The following KIF12 variants were observed in gnomAD, a reference collection of about 807,000 sequenced individuals.
KIF12 encodes the protein kinesin family member 12, also known as kinesin-like protein KIF12.
In KIF12, 80 loss-of-function variants were observed where a neutral mutation model predicts 87.9. The ratio of observed to expected loss-of-function variants is 0.91; its 90% CI spans 0.76 to 1.10. The LOEUF (loss-of-function observed/expected upper bound fraction) is 1.10, where lower values mean the gene tolerates loss of function less well. Among genes scored for constraint, KIF12 ranks in the 50% least tolerant of loss-of-function variants. The pLI is 0.00. For missense variants in KIF12, 819 were observed against 865.3 expected (o/e 0.95, Z 0.67); for synonymous variants, 353 against 348.5 (o/e 1.01, Z -0.14).
rs1159849217 is a variant in KIF12 at position 114,095,220 on chromosome 9, G to T, written c.1008C>A (p.Thr336=). 6.2e-7 allele frequency: 1 copy of T among 1,613,692 alleles called. No individual in the cohort carries two copies. Residue 336 remains threonine (T), a synonymous_variant, in exon 10 of 19, where the codon ACC becomes ACA. Transcript: ENST00000640217. ...CCAGGCCCCGCTTAAGTACCATGAG[G>T]GTGACCCCGCGCCCTCCCAGTGAGT... ...LADSLGGRGV[T]LMVACVSPSA... is the part of the protein sequence containing the mutation.
At position 114,098,257 on chromosome 9, in the gene KIF12, G is replaced by A. The variant is rs778278426; in HGVS notation, c.299+45C>T. The A allele has an allele frequency of 1.3e-5, 19 of 1,508,308 alleles. No homozygotes were observed. The East Asian group carries it at 2.4e-4, about 19-fold the overall frequency. The allele number at this position is 1,508,308 out of a possible 1,614,324, so 93.4% of individuals were successfully genotyped here. A position where few individuals can be genotyped will look rare whatever the true frequency, so the allele number is the denominator to read the frequency against. On this transcript the variant is annotated intron_variant, in intron 4 of 18. Transcript: ENST00000640217. Reference sequence around the variant, plus strand: ...GGGGTGGGGGCTGGGGGTGCTTCGGGGCCCCGCCAGGCCCGGCGCGGAGCG... The same window carrying A: ...GGGGTGGGGGCTGGGGGTGCTTCGGAGCCCCGCCAGGCCCGGCGCGGAGCG...
chr9:114,091,803 AAG>A lies in KIF12; in HGVS notation c.*56_*57del, dbSNP rs1204501815. The A allele has an allele frequency of 4.6e-6, 7 of 1,508,636 alleles. No homozygotes were observed. The Admixed American group carries it at 6.3e-5, about 13-fold the overall frequency. The allele number at this position is 1,508,636 out of a possible 1,614,324, so 93.5% of individuals were successfully genotyped here. Reference sequence around the variant, plus strand: ...TCAGCAGATGGGCAGACTGAAGCCCAAGAGTGTGGAGCCCAGTCTGAGGTCAC... The same window carrying A: ...TCAGCAGATGGGCAGACTGAAGCCCAAGTGTGGAGCCCAGTCTGAGGTCAC... On this transcript the variant is annotated 3_prime_UTR_variant, in exon 19 of 19. Transcript: ENST00000640217.
rs753793510 is a variant in KIF12 at position 114,095,060 on chromosome 9, C to G, written c.1082G>C (p.Arg361Pro). 3.7e-6 allele frequency: 6 copies of G among 1,609,034 alleles called. No individual in the cohort carries two copies. Among genetic ancestry groups the G allele is most frequent in the Non-Finnish European group, 5.1e-6 (6 of 1,177,596 alleles). The change falls in exon 11 of 19, where the codon CGA becomes CCA. Residue 361 changes from arginine (R) to proline (P), a missense_variant. Coordinates refer to ENST00000640217, the MANE Select transcript of KIF12 (RefSeq NM_001388308.1). ...ETLSTLRYAS[R>P]AQRVTTRPQA... ...TGGTCGGGTGGTGACCCGCTGAGCT[C>G]GGCTTGCATATCGCAGGGTGCTGAG...
At position 114,094,400 on chromosome 9, in the gene KIF12, T is replaced by C. The variant is rs760191734; in HGVS notation, c.1175A>G (p.Glu392Gly). ...RLETEMLQLQ[E>G]ENRRLQFQLD... ...CTGGAACTGCAGGCGACGGTTCTCCTCCTGGAGCTGCAGCATCTCTGTCTC... is the reference window on the plus strand; with the variant it reads ...CTGGAACTGCAGGCGACGGTTCTCCCCCTGGAGCTGCAGCATCTCTGTCTC... Residue 392 changes from glutamate (E) to glycine (G), a missense_variant, in exon 12 of 19, where the codon GAG becomes GGG. Glu to Gly is a moderately conservative substitution (Grantham distance 98). Coordinates refer to ENST00000640217, the MANE Select transcript of KIF12 (RefSeq NM_001388308.1). 6.2e-7 allele frequency: 1 copy of C among 1,614,036 alleles called. No individual in the cohort carries two copies. Among genetic ancestry groups the C allele is most frequent in the South Asian group, 1.1e-5 (1 of 91,068 alleles).
Position 114,093,894 on chromosome 9 carries a change from T to C in KIF12, c.1392A>G (p.Ala464=), listed in dbSNP as rs34105930. Residue 464 remains alanine, a synonymous_variant, in exon 14 of 19, where the codon GCA becomes GCG. Coordinates refer to ENST00000640217, the MANE Select transcript of KIF12 (RefSeq NM_001388308.1). ...EQRILAQQVH[A]LERRLLSACY... The stretch of plus-strand genomic sequence containing the variant: ...CTGGTGGCTCTGCTTACCTCTCTAG[T>C]GCATGGACCTGCTGGGCCAGGATGC... The C allele has an allele frequency of 4.5e-3, 7,190 of 1,613,826 alleles. 240 individuals are homozygous for C. In the African/African-American group the frequency reaches 0.077, roughly 17 times the overall value.
intron 6 of KIF12, 32 bp downstream of exon 6, chr9:114,097,575 G>A (rs1204611870): frequency 1.2e-6 from 2 of 1,612,666 alleles, no homozygotes; most frequent in Non-Finnish European, 1.7e-6. Context: ...GTTTCCTCAT[G>A]GGCTGTCTTT....
intron 8 of KIF12, 36 bp from the exon 9 acceptor site, chr9:114,096,243 A>G: frequency 6.2e-7 from 1 of 1,611,676 alleles, no homozygotes. Context: ...CTTGGGAGGG[A>G]CCGTCCCCAT....
In KIF12 at chr9:114,095,060, C is replaced by T. The variant is rs753793510; in HGVS notation, c.1082G>A (p.Arg361Gln). 1.2e-6 allele frequency: 2 copies of T among 1,609,034 alleles called. No homozygotes were observed. The highest frequency in any genetic ancestry group is 1.1e-5 in the South Asian group (1 of 90,122). ...ETLSTLRYAS[R>Q]AQRVTTRPQA... ...TGGTCGGGTGGTGACCCGCTGAGCT[C>T]GGCTTGCATATCGCAGGGTGCTGAG... The change falls in exon 11 of 19, where the codon CGA (arginine) becomes CAA (glutamine). Residue 361 changes from arginine to glutamine, a missense_variant. Coordinates refer to ENST00000640217, the MANE Select transcript of KIF12 (RefSeq NM_001388308.1).
intron 5 of KIF12, 148 bp downstream of exon 5, chr9:114,097,967 T>G: frequency 3.1e-6 from 3 of 973,064 alleles, no homozygotes; most frequent in Non-Finnish European, 4.5e-6. Flanking sequence ...CCCTTCTCTT[T>G]GGTCCTCAGC....
In KIF12 at chr9:114,091,897, G is replaced by A. The variant is rs762148020; in HGVS notation, c.1920C>T (p.Gly640=). ...GGAGGACTTGGCCTGGGCTCCGTGC[G>A]CCCTCACTGCAGGGTGGCTGGCTGC... ...RGRSQPPCSE[G]ARSPGQVLPP... Residue 640 remains glycine, a synonymous_variant, in exon 19 of 19, where the codon GGC becomes GGT. Coordinates refer to ENST00000640217, the MANE Select transcript of KIF12 (RefSeq NM_001388308.1). 1.9e-5 allele frequency: 31 copies of A among 1,611,320 alleles called. No homozygotes were observed. The highest frequency in any genetic ancestry group is 6.7e-5 in the East Asian group (3 of 44,794).
At chr9:114,098,229 C>G (rs1421720389) in intron 4 of KIF12, 39 bp from the exon 5 acceptor site, 2 of 1,520,314 alleles carry the variant, frequency 1.3e-6, no homozygotes, top group South Asian at 1.2e-5. Context: ...CCGGCGGCTA[C>G]CCGGGGTGGG....
intron 5 of KIF12, 144 bp downstream of exon 5, chr9:114,097,971 C>T: frequency 1.0e-6 from 1 of 978,668 alleles, no homozygotes; most frequent in Non-Finnish European, 1.5e-6. Flanking sequence ...TCTCTTTGGT[C>T]CTCAGCGTCC....
At chr9:114,096,962 G>C (rs1478508552) in intron 7 of KIF12, among the ~76,000 whole-genome samples, 1 of 152,234 alleles carries the variant, frequency 6.6e-6, no homozygotes, top group Non-Finnish European at 1.5e-5. Context: ...GGCAAAGAGA[G>C]ATGGGGTTTG....
Position 114,098,199 on chromosome 9 carries a change from G to C in KIF12, c.300-9C>G. On this transcript the variant is annotated splice_polypyrimidine_tract_variant and intron_variant, in intron 4 of 18. Transcript: ENST00000640217. ...AAACAGTGCAGGAGAAACTGCGGGC[G>C]GCAAGGGCGTGGCTGGACTCCGGCG... 6.5e-7 allele frequency: 1 copy of C among 1,543,386 alleles called. No individual in the cohort carries two copies. The highest frequency in any genetic ancestry group is 8.7e-7 in the Non-Finnish European group (1 of 1,144,758).
In KIF12 at chr9:114,098,957, C is replaced by G. The variant is rs528403372; in HGVS notation, c.149G>C (p.Cys50Ser). 1 of 1,549,654 alleles carries G rather than the reference C, an allele frequency of 6.5e-7. No individual in the cohort carries two copies. Among genetic ancestry groups the G allele is most frequent in the East Asian group, 2.4e-5 (1 of 40,866 alleles). The change falls in exon 3 of 19, where the codon TGC (cysteine) becomes TCC (serine). Residue 50 changes from cysteine (C) to serine (S), a missense_variant. Physicochemically the swap from Cys to Ser is moderately radical, Grantham distance 112. Transcript: ENST00000640217. ...CACCTGCAGAGTCCGGGTCCCTGAG[C>G]AGTGCAGCACGCTCTGCTGCCCTCG... Reference protein sequence around the residue: ...LRRGQQSVLHCSGTRTLQVSP... With the variant: ...LRRGQQSVLHSSGTRTLQVSP...
In KIF12 at chr9:114,097,302, C is replaced by T; in HGVS notation, c.645G>A (p.Thr215=). 6.2e-7 allele frequency: 1 copy of T among 1,609,592 alleles called. No homozygotes were observed. Among genetic ancestry groups the T allele is most frequent in the Non-Finnish European group, 8.5e-7 (1 of 1,178,936 alleles). The change falls in exon 7 of 19, where the codon ACG becomes ACA. Residue 215 remains threonine, a splice_region_variant and synonymous_variant. Transcript: ENST00000640217. ...AAACTCCCCGCTGTCAGCACACACC[C>T]GTTTGCAAAAGTTCCATCAGGGCCT... ...SLEALMELLQ[T]GLSRRRNSAH... is the part of the protein sequence containing the mutation.
rs757865353 is a variant in KIF12, at chr9:114,096,064, G to A, written c.882C>T (p.Ser294=). The A allele has an allele frequency of 6.8e-6, 11 of 1,612,094 alleles. No homozygotes were observed. The highest frequency in any genetic ancestry group is 4.0e-5 in the African/African-American group (3 of 74,872). ...CCCAGGTCTCACCCAGGGCCAGCAG[G>A]CTTCGGTTGATGCTGTTAGCCTCAA... ...LMLEANSINR[S]LLALGHCISL... is the part of the protein sequence containing the mutation. The change falls in exon 9 of 19, where the codon AGC becomes AGT. Residue 294 remains serine (S), a synonymous_variant. Transcript: ENST00000640217.
rs751637318 is a variant in KIF12, at chr9:114,096,364, C to A, written c.738+23G>T. 3.1e-6 allele frequency: 5 copies of A among 1,608,754 alleles called. No homozygotes were observed. The African/African-American group carries it at 4.0e-5, about 13-fold the overall frequency. ...CTTGCTTGGTGGCCCCGGGTAAGCA[C>A]CTTCCCAGGCTGGAGCACTCACAGT... On this transcript the variant is annotated intron_variant, in intron 8 of 18. Transcript: ENST00000640217.
In KIF12 at chr9:114,092,409, C is replaced by T. The variant is rs200181649; in HGVS notation, c.1740G>A (p.Met580Ile). The T allele has an allele frequency of 1.0e-4, 161 of 1,613,338 alleles. 1 individual carries two copies. The East Asian group carries it at 3.6e-3, about 36-fold the overall frequency. ...AAGGTACCACCTCCTCCTCCGTCAA[C>T]ATCTCTGCCAGGACTCGGGTCTGAG... ...DWTQTRVLAE[M>I]LTEEEVVPSA... is the part of the protein sequence containing the mutation. The change falls in exon 18 of 19, where the codon ATG becomes ATA. Residue 580 changes from methionine (M) to isoleucine (I), a missense_variant. Coordinates refer to ENST00000640217, the MANE Select transcript of KIF12 (RefSeq NM_001388308.1).
Sources: allele counts gnomAD v4.1 joint callset (sites outside exome capture counted in the v4.1 genomes callset), GRCh38; gene constraint gnomAD v4.1.1; transcripts MANE v1.5; gene names NCBI Gene and HGNC (gene_info 2026-07-23, HGNC 2026-07-21).